The following TBCK variants were observed in gnomAD, a reference collection of about 807,000 sequenced individuals.
TBCK encodes the protein TBC1 domain containing kinase, also known as TBC domain-containing protein kinase-like protein.
Under a neutral mutation model 113.4 loss-of-function variants are expected in TBCK, and 99 were observed. The ratio of observed to expected loss-of-function variants is 0.87; its 90% confidence interval spans 0.74 to 1.03. TBCK has a LOEUF of 1.03. Ranked by LOEUF, TBCK falls within the 50% of genes least tolerant of loss-of-function variation. The pLI is 0.00. For synonymous variants in TBCK, 369 were observed against 370.8 expected (o/e 1.00, Z 0.05); for missense variants, 1,045 against 1,061.3 (o/e 0.98, Z 0.21).
intron 25 of TBCK, among the ~76,000 whole-genome samples, chr4:106,058,821 T>C (rs1172089100): frequency 6.6e-6 from 1 of 151,668 alleles, no homozygotes; most frequent in Non-Finnish European, 1.5e-5. Flanking sequence ...TTCAAAAAGC[T>C]CAGTCTAGTG....
chr4:106,237,566 C>G (rs1560883907), intron 12 of TBCK: 1 of 455,302 alleles, frequency 2.2e-6, no homozygotes, highest in Non-Finnish European at 4.4e-6. Flanking sequence ...GAAATTCAAG[C>G]TGTGTGTGCA....
Position 106,231,946 on chromosome 4 carries a change from T to G in TBCK, c.1640-167A>C, listed in dbSNP as rs73838163. 2.0e-5 allele frequency among the ~76,000 whole-genome samples: 3 copies of G among 151,920 alleles called. No individual in the cohort carries two copies. In the South Asian group the frequency reaches 6.2e-4, roughly 31 times the overall value. On this transcript the variant is annotated intron_variant, in intron 17 of 25. Coordinates refer to ENST00000394708, the MANE Select transcript of TBCK (RefSeq NM_001163435.3). ...ATGAGTTACTGTGGGGAGTGAGTGA[T>G]AGTGTAGCACACAGTATGTGTCCAA...
chr4:106,305,934 A>AT (rs1227022050), intron 2 of TBCK, among the ~76,000 whole-genome samples: 1 of 152,208 alleles, frequency 6.6e-6, no homozygotes, highest in Non-Finnish European at 1.5e-5. Flanking sequence ...TTTAGCATAT[A>AT]ATCAAAAAAT....
rs1768791548 is a variant in TBCK at position 106,315,926 on chromosome 4, C to T, written c.-30+5G>A. The T allele has an allele frequency of 6.5e-6, 1 of 152,852 alleles. No homozygotes were observed. The highest frequency in any genetic ancestry group is 6.5e-5 in the Admixed American group (1 of 15,300). The allele number at this position is 152,852 out of a possible 1,614,324, so 9.5% of individuals were successfully genotyped here. A position where few individuals can be genotyped will look rare whatever the true frequency, so the allele number is the denominator to read the frequency against. On this transcript the variant is annotated splice_donor_5th_base_variant and intron_variant, in intron 1 of 25. Coordinates refer to ENST00000394708, the MANE Select transcript of TBCK (RefSeq NM_001163435.3). ...CACGGAAAACTGGATTACCCAAATA[C>T]CTGCCTCTGAGTCTGGGGACGCAGG...
intron 10 of TBCK, among the ~76,000 whole-genome samples, chr4:106,246,493 TA>T (rs1760830381): frequency 6.6e-6 from 1 of 152,184 alleles, no homozygotes; most frequent in East Asian, 1.9e-4. Context: ...TCAATAATAT[TA>T]TTTTTAGAGA....
intron 3 of TBCK, among the ~76,000 whole-genome samples, chr4:106,286,204 G>A (rs935389725): frequency 6.6e-6 from 1 of 151,996 alleles, no homozygotes; most frequent in African/African-American, 2.4e-5. Context: ...ACCTGTTAAG[G>A]CTACTATATG....
Position 106,068,313 on chromosome 4 carries a change from C to A in TBCK, c.2572-21633G>T, listed in dbSNP as rs144087888. Among the ~76,000 whole-genome samples the A allele has an allele frequency of 1.6e-3, 241 of 152,188 alleles. 4 individuals are homozygous for A. The East Asian group carries it at 0.044, about 28-fold the overall frequency. On this transcript the variant is annotated intron_variant, in intron 25 of 25. Coordinates refer to ENST00000394708, the MANE Select transcript of TBCK (RefSeq NM_001163435.3). The stretch of plus-strand genomic sequence containing the variant: ...CTATCCCTCCCCCATCCCCCCACCC[C>A]ACACCAGGCCCCAGTGTGTGGTGCT...
intron 25 of TBCK, among the ~76,000 whole-genome samples, chr4:106,072,003 C>T (rs1170428174): frequency 6.6e-6 from 1 of 152,148 alleles, no homozygotes; most frequent in Admixed American, 6.5e-5. Flanking sequence ...CTGCACGTGA[C>T]ATGGGTCTCC....
chr4:106,080,310 T>C (rs1234895308), intron 25 of TBCK, among the ~76,000 whole-genome samples: 1 of 151,904 alleles, frequency 6.6e-6, no homozygotes, highest in Non-Finnish European at 1.5e-5. Flanking sequence ...AACAGCATGA[T>C]ACTGGTACAG....
chr4:106,209,572 A>C (rs1755900240), intron 20 of TBCK, among the ~76,000 whole-genome samples: 1 of 152,180 alleles, frequency 6.6e-6, no homozygotes, highest in African/African-American at 2.4e-5. Flanking sequence ...TGTGGTATGA[A>C]GTTAGGCTTT....
intron 18 of TBCK, among the ~76,000 whole-genome samples, chr4:106,230,782 G>A (rs1393130308): frequency 2.6e-5 from 4 of 151,664 alleles, no homozygotes; most frequent in Non-Finnish European, 4.4e-5. Context: ...CGGACCTCAC[G>A]ATCCTTAACT....
At chr4:106,142,420 G>A (rs1482955796) in intron 23 of TBCK, among the ~76,000 whole-genome samples, 1 of 152,122 alleles carries the variant, frequency 6.6e-6, no homozygotes, top group African/African-American at 2.4e-5. Flanking sequence ...TACAAAGCAG[G>A]TTGACAAACT....
intron 25 of TBCK, among the ~76,000 whole-genome samples, chr4:106,057,653 A>G (rs1193507391): frequency 1.3e-5 from 2 of 151,636 alleles, no homozygotes; most frequent in Admixed American, 6.6e-5. Flanking sequence ...AACAATTTGT[A>G]TTACTGAAAT....
chr4:106,267,088 C>T (rs764113998), intron 3 of TBCK, among the ~76,000 whole-genome samples: 10 of 151,768 alleles, frequency 6.6e-5, no homozygotes, highest in Non-Finnish European at 1.5e-4. Context: ...TAGACAAACC[C>T]GTCAGTAACC....
upstream of TBCK, chr4:106,316,282 C>A: frequency 2.6e-6 from 1 of 388,686 alleles, no homozygotes; most frequent in Non-Finnish European, 4.7e-6. Flanking sequence ...AAGACCCCGA[C>A]TTGTGGTGTC....
chr4:106,234,438 T>C (rs1759225121), intron 15 of TBCK, among the ~76,000 whole-genome samples: 1 of 151,980 alleles, frequency 6.6e-6, no homozygotes, highest in South Asian at 2.1e-4. Flanking sequence ...TTAAAAATAG[T>C]TGAGGATTTC....
At chr4:106,225,629 T>C (rs556835196) in intron 19 of TBCK, among the ~76,000 whole-genome samples, 1 of 152,188 alleles carries the variant, frequency 6.6e-6, no homozygotes, top group Admixed American at 6.5e-5. Context: ...CCAGCTATTT[T>C]TGTATTTTTA....
At chr4:106,254,169 T>C (rs1380540607) in intron 5 of TBCK, among the ~76,000 whole-genome samples, 1 of 152,214 alleles carries the variant, frequency 6.6e-6, no homozygotes, top group Non-Finnish European at 1.5e-5. Flanking sequence ...ATTTGGGACT[T>C]GTCACACAGG....
At position 106,248,245 on chromosome 4, in the gene TBCK, C is replaced by CAAG; in HGVS notation, c.781_782insCTT (p.Arg261delinsThrTrp). ...ATCCCAATCTCTAAATAATATCAAC[C>CAAG]TCTTAGAAGGATGGAAGGTAAGGCA... On this transcript the variant is annotated protein_altering_variant and splice_region_variant, in exon 9 of 26. Coordinates refer to ENST00000394708, the MANE Select transcript of TBCK (RefSeq NM_001163435.3). The CAAG allele has an allele frequency of 6.3e-7, 1 of 1,587,830 alleles. No homozygotes were observed. The highest frequency in any genetic ancestry group is 1.2e-5 in the South Asian group (1 of 85,786).
Sources: gnomAD v4.1 joint callset for allele counts (sites outside exome capture counted in the v4.1 genomes callset) on GRCh38, gnomAD v4.1.1 for gene constraint, MANE v1.5 for transcripts, NCBI Gene and HGNC (gene_info 2026-07-23, HGNC 2026-07-21) for gene names.